Variants in RNF13 observed in about 807,000 individuals in gnomAD.
The protein encoded by RNF13 is ring finger protein 13.
In RNF13, 19 loss-of-function variants were observed where a neutral mutation model predicts 37.7. The observed-to-expected ratio is 0.50, with a 90% CI of 0.35 to 0.74. RNF13 has a LOEUF of 0.74. Among genes scored for constraint, RNF13 ranks in the 30% least tolerant of loss-of-function variants. The pLI, the probability that RNF13 is intolerant of heterozygous loss-of-function variation, is 0.01. For missense variants in RNF13, 375 were observed against 453.0 expected, an observed-to-expected ratio of 0.83 and a Z score of 1.56; for synonymous variants, 144 against 157.8, an observed-to-expected ratio of 0.91 and a Z score of 0.65.
intron 1 of RNF13, among the ~76,000 whole-genome samples, chr3:149,832,699 GA>G (rs1721184804): frequency 6.6e-6 from 1 of 152,008 alleles, no homozygotes; most frequent in Admixed American, 6.6e-5. Flanking sequence ...TGAAAGAGGG[GA>G]CACAACTACC....
chr3:149,889,683 C>T (rs1714485236), intron 4 of RNF13, among the ~76,000 whole-genome samples: 1 of 138,710 alleles, frequency 7.2e-6, no homozygotes, highest in Non-Finnish European at 1.5e-5. Context: ...GAGATGGAGT[C>T]TCGCTCTGTC....
intron 8 of RNF13, among the ~76,000 whole-genome samples, chr3:149,943,668 T>C (rs1225278156): frequency 1.3e-5 from 2 of 152,214 alleles, no homozygotes; most frequent in African/African-American, 4.8e-5. Flanking sequence ...ATCCTCTGTG[T>C]TCTGCCTGTT....
chr3:149,948,007 T>C (rs550345203), intron 8 of RNF13, among the ~76,000 whole-genome samples: 50 of 152,278 alleles, frequency 3.3e-4, no homozygotes, highest in African/African-American at 1.2e-3. Flanking sequence ...AGGAGTGCAG[T>C]GGCGCGATCT....
chr3:149,922,271 C>G (rs984515540), intron 8 of RNF13, among the ~76,000 whole-genome samples: 9 of 152,136 alleles, frequency 5.9e-5, no homozygotes, highest in African/African-American at 2.2e-4. Context: ...TGTGCCTGGC[C>G]TGTTTCCTGA....
chr3:149,936,577 T>G (rs747425907), intron 8 of RNF13, among the ~76,000 whole-genome samples: 22 of 152,116 alleles, frequency 1.4e-4, no homozygotes, highest in Non-Finnish European at 2.2e-4. Flanking sequence ...TTTAATTTTT[T>G]AATCTGTTTG....
At chr3:149,892,937 C>T (rs965961645) in intron 4 of RNF13, among the ~76,000 whole-genome samples, 7 of 152,088 alleles carry the variant, frequency 4.6e-5, no homozygotes, top group Non-Finnish European at 5.9e-5. Flanking sequence ...AATATAGGTA[C>T]ATGTGGCATA....
intron 1 of RNF13, among the ~76,000 whole-genome samples, chr3:149,839,418 C>T (rs895126560): frequency 2.4e-5 from 3 of 124,502 alleles, no homozygotes; most frequent in Non-Finnish European, 5.0e-5. Context: ...TGATGAAATA[C>T]TCAAGACTGG....
At chr3:149,864,685 G>A (rs1724622433) in intron 3 of RNF13, among the ~76,000 whole-genome samples, 1 of 152,078 alleles carries the variant, frequency 6.6e-6, no homozygotes, top group South Asian at 2.1e-4. Flanking sequence ...AATCAGTACT[G>A]TGTTAAGTAA....
intron 8 of RNF13, among the ~76,000 whole-genome samples, chr3:149,957,992 C>T (rs1468373781): frequency 1.3e-5 from 2 of 152,100 alleles, no homozygotes; most frequent in African/African-American, 4.8e-5. Context: ...GGAATCTTGA[C>T]CTGTCATCTT....
chr3:149,847,883 G>A (rs1231211313), intron 2 of RNF13, among the ~76,000 whole-genome samples: 1 of 151,814 alleles, frequency 6.6e-6, no homozygotes, highest in Admixed American at 6.6e-5. Flanking sequence ...TATACCCAAG[G>A]TGGATTGCTA....
chr3:149,838,248 C>T (rs1175610538), intron 1 of RNF13, among the ~76,000 whole-genome samples: 1 of 152,078 alleles, frequency 6.6e-6, no homozygotes, highest in African/African-American at 2.4e-5. Context: ...TCCAGGTGCA[C>T]GGTGCAAGTT....
At chr3:149,871,265 C>T (rs1463852379) in intron 3 of RNF13, among the ~76,000 whole-genome samples, 1 of 151,624 alleles carries the variant, frequency 6.6e-6, no homozygotes, top group East Asian at 1.9e-4. Flanking sequence ...TGGTCTTGAA[C>T]TCCTGACTTC....
At chr3:149,860,696 T>C (rs1394986533) in intron 3 of RNF13, among the ~76,000 whole-genome samples, 1 of 152,158 alleles carries the variant, frequency 6.6e-6, no homozygotes, top group African/African-American at 2.4e-5. Flanking sequence ...CTTCAGGGCA[T>C]TGAACTAGGC....
rs1036047662 is a variant in RNF13 at position 149,870,799 on chromosome 3, A to G, written c.196-1230A>G. Among the ~76,000 whole-genome samples the G allele has an allele frequency of 4.6e-5, 7 of 151,928 alleles. No individual in the cohort carries two copies. In the South Asian group the frequency reaches 1.2e-3, roughly 27 times the overall value. On this transcript the variant is annotated intron_variant, in intron 3 of 9. Transcript: ENST00000392894. ...CCCAAGATATGTACAAACACTTTCC[A>G]TATCACAAGCTGAGCAATATAATTT...
intron 8 of RNF13, among the ~76,000 whole-genome samples, chr3:149,938,419 A>G (rs996804150): frequency 6.6e-6 from 1 of 150,856 alleles, no homozygotes; most frequent in Non-Finnish European, 1.5e-5. Context: ...ACCTCAAGTG[A>G]TCCACCAGCT....
chr3:149,956,352 T>C (rs1721860008), intron 8 of RNF13, among the ~76,000 whole-genome samples: 1 of 152,168 alleles, frequency 6.6e-6, no homozygotes, highest in Non-Finnish European at 1.5e-5. Flanking sequence ...AGATAAAAGG[T>C]TCCAGGATCT....
intron 4 of RNF13, among the ~76,000 whole-genome samples, chr3:149,889,216 C>T (rs779375795): frequency 1.3e-5 from 2 of 150,306 alleles, no homozygotes; most frequent in Non-Finnish European, 3.0e-5. Context: ...GGATTACAGG[C>T]GTGAGCCACT....
At chr3:149,872,732 C>T (rs1193571361) in intron 4 of RNF13, among the ~76,000 whole-genome samples, 1 of 152,166 alleles carries the variant, frequency 6.6e-6, no homozygotes, top group Non-Finnish European at 1.5e-5. Flanking sequence ...AGCTGAGTGT[C>T]ATATAGTGTC....
intron 6 of RNF13, among the ~76,000 whole-genome samples, chr3:149,910,584 T>A (rs912004769): frequency 9.2e-5 from 14 of 152,238 alleles, no homozygotes; most frequent in Non-Finnish European, 1.5e-4. Context: ...TGCTATGGTG[T>A]CCTAAGCACC....
Sources: gnomAD v4.1 joint callset for allele counts (sites outside exome capture counted in the v4.1 genomes callset) on GRCh38, gnomAD v4.1.1 for gene constraint, MANE v1.5 for transcripts, NCBI Gene and HGNC (gene_info 2026-07-23, HGNC 2026-07-21) for gene names.